Variants in ZNF892 observed in about 807,000 individuals in gnomAD.
The protein encoded by ZNF892 is zinc finger protein 570-like.
chr2:95,258,323 AC>A, the ZNF892 span, among the ~76,000 whole-genome samples: 4 of 152,196 alleles, frequency 2.6e-5, no homozygotes, highest in African/African-American at 4.8e-5. Context: ...AGTCCCTGCT[AC>A]TGTTGTCCAG....
chr2:95,238,343 C>T, the ZNF892 span, among the ~76,000 whole-genome samples: 2 of 152,182 alleles, frequency 1.3e-5, no homozygotes, highest in Admixed American at 1.3e-4. Context: ...AATGGAACAA[C>T]AAAGCCTGAA....
At chr2:95,233,960 A>G in the ZNF892 span, among the ~76,000 whole-genome samples, 4 of 152,236 alleles carry the variant, frequency 2.6e-5, no homozygotes, top group Admixed American at 6.5e-5. Context: ...GATTACAGAC[A>G]TGAACCACTG....
the ZNF892 span, among the ~76,000 whole-genome samples, chr2:95,244,644 T>C: frequency 6.6e-6 from 1 of 152,032 alleles, no homozygotes; most frequent in African/African-American, 2.4e-5. Context: ...GACAGAAAAT[T>C]TAAAAAGATA....
chr2:95,258,114 G>A, the ZNF892 span, among the ~76,000 whole-genome samples: 2 of 152,134 alleles, frequency 1.3e-5, no homozygotes, highest in Admixed American at 6.5e-5. Flanking sequence ...AGATGAACCT[G>A]GTACCTCAGT....
the ZNF892 span, among the ~76,000 whole-genome samples, chr2:95,219,581 G>A: frequency 6.6e-6 from 1 of 152,118 alleles, no homozygotes; most frequent in Non-Finnish European, 1.5e-5. Context: ...ACATCTTTGG[G>A]TTATCTTCTC....
chr2:95,228,822 A>G, the ZNF892 span, among the ~76,000 whole-genome samples: 1 of 152,146 alleles, frequency 6.6e-6, no homozygotes, highest in Non-Finnish European at 1.5e-5. Flanking sequence ...AAAATCATTA[A>G]GGAAAACTCA....
the ZNF892 span, among the ~76,000 whole-genome samples, chr2:95,242,721 C>T: frequency 8.7e-4 from 132 of 152,326 alleles, no homozygotes; most frequent in African/African-American, 3.1e-3. Context: ...AGAGCCAAGA[C>T]CCATCAGTAT....
At chr2:95,239,565 C>A in the ZNF892 span, among the ~76,000 whole-genome samples, 1 of 152,150 alleles carries the variant, frequency 6.6e-6, no homozygotes, top group East Asian at 1.9e-4. Flanking sequence ...CAGCCATCAT[C>A]ATTGAGGCAA....
At chr2:95,207,795 G>C in the ZNF892 span, 1 of 398,670 alleles carries the variant, frequency 2.5e-6, no homozygotes, top group Admixed American at 4.4e-5. Context: ...CCTCCAGCGC[G>C]GGCCGGAGGA....
the ZNF892 span, among the ~76,000 whole-genome samples, chr2:95,256,017 T>C: frequency 1.8e-4 from 27 of 152,340 alleles, no homozygotes; most frequent in Non-Finnish European, 3.7e-4. Context: ...CGCTGATGGG[T>C]CTTGACTCTT....
the ZNF892 span, among the ~76,000 whole-genome samples, chr2:95,244,790 G>A: frequency 2.6e-5 from 4 of 152,192 alleles, no homozygotes; most frequent in Non-Finnish European, 5.9e-5. Flanking sequence ...ATATTTGGAA[G>A]TAAAACACTC....
At chr2:95,239,966 A>G in the ZNF892 span, among the ~76,000 whole-genome samples, 2 of 152,210 alleles carry the variant, frequency 1.3e-5, no homozygotes, top group Admixed American at 1.3e-4. Flanking sequence ...ATGCACTAGG[A>G]AACAAAAAAT....
At chr2:95,211,025 GA>G in the ZNF892 span, among the ~76,000 whole-genome samples, 2 of 152,104 alleles carry the variant, frequency 1.3e-5, no homozygotes, top group Non-Finnish European at 2.9e-5. Context: ...CCAACTGGGG[GA>G]CGCGGGCAGA....
the ZNF892 span, chr2:95,214,314 T>C: frequency 2.5e-6 from 1 of 398,272 alleles, no homozygotes; most frequent in African/African-American, 2.1e-5. Flanking sequence ...ATGATACACA[T>C]GTGTGTTTTT....
the ZNF892 span, among the ~76,000 whole-genome samples, chr2:95,234,729 C>T: frequency 6.6e-6 from 1 of 152,228 alleles, no homozygotes; most frequent in Non-Finnish European, 1.5e-5. Context: ...CCTTCCAGAC[C>T]TCACCCTGTA....
the ZNF892 span, among the ~76,000 whole-genome samples, chr2:95,213,414 C>A: frequency 6.6e-6 from 1 of 152,104 alleles, no homozygotes; most frequent in Non-Finnish European, 1.5e-5. Context: ...GTGTTAAAGA[C>A]CATTTAAGCT....
At chr2:95,219,099 C>T in the ZNF892 span, among the ~76,000 whole-genome samples, 2 of 151,938 alleles carry the variant, frequency 1.3e-5, no homozygotes, top group Non-Finnish European at 2.9e-5. Flanking sequence ...CCCAGGTTCA[C>T]GCCATTCTCC....
chr2:95,222,397 G>A, the ZNF892 span, among the ~76,000 whole-genome samples: 1 of 152,184 alleles, frequency 6.6e-6, no homozygotes, highest in Non-Finnish European at 1.5e-5. Context: ...GTTTACCTTT[G>A]TAACACAGGG....
chr2:95,260,817 TCAC>T, the ZNF892 span, among the ~76,000 whole-genome samples: 1 of 152,140 alleles, frequency 6.6e-6, no homozygotes, highest in Non-Finnish European at 1.5e-5. Flanking sequence ...GGAGGTGGGA[TCAC>T]CAGCAGCTGA....
Sources: allele counts gnomAD v4.1 joint callset (sites outside exome capture counted in the v4.1 genomes callset), GRCh38; gene constraint gnomAD v4.1.1; transcripts MANE v1.5; gene names NCBI Gene and HGNC (gene_info 2026-07-23, HGNC 2026-07-21).